The following DIP2C variants were observed in gnomAD, a reference collection of about 807,000 sequenced individuals.
The protein encoded by DIP2C is disco-interacting protein 2 homolog C.
In DIP2C, 33 loss-of-function variants were observed where a neutral mutation model predicts 192.4. That is an observed-to-expected ratio of 0.17 (90% CI 0.13 to 0.23). The LOEUF is 0.23. Ranked by LOEUF, DIP2C falls within the 10% of genes least tolerant of loss-of-function variation. DIP2C has a pLI of 1.00. For synonymous variants in DIP2C, 979 were observed against 864.1 expected (o/e 1.13, Z -2.33); for missense variants, 1,537 against 2,110.1 (o/e 0.73, Z 5.32).
In DIP2C at chr10:432,909, A is replaced by C. The variant is rs535555290; in HGVS notation, c.394+7962T>G. Among the ~76,000 whole-genome samples, 3 of 152,238 alleles carry C rather than the reference A, an allele frequency of 2.0e-5. No individual in the cohort carries two copies. The South Asian group carries it at 6.2e-4, about 32-fold the overall frequency. ...TTCCTTGAGCAATGCATTATTTTTA[A>C]GTGTATTGTTTAATTCCTAATATTT... On this transcript the variant is annotated intron_variant, in intron 4 of 36. Transcript: ENST00000280886.
chr10:639,270 C>T (rs1435000698), intron 1 of DIP2C, among the ~76,000 whole-genome samples: 2 of 141,482 alleles, frequency 1.4e-5, no homozygotes, highest in Admixed American at 7.2e-5. Flanking sequence ...GCCCGGCTCA[C>T]GGTCCACACG....
intron 1 of DIP2C, among the ~76,000 whole-genome samples, chr10:564,497 C>T (rs998605941): frequency 2.0e-4 from 31 of 152,202 alleles, no homozygotes; most frequent in Non-Finnish European, 2.9e-5. Flanking sequence ...GTTATTCCAT[C>T]TTGGCCAGTA....
intron 31 of DIP2C, among the ~76,000 whole-genome samples, chr10:316,429 CT>C (rs1420557296): frequency 6.6e-6 from 1 of 152,230 alleles, no homozygotes; most frequent in Non-Finnish European, 1.5e-5. Flanking sequence ...CTTTAGGTAA[CT>C]GGGTGATTCT....
intron 1 of DIP2C, among the ~76,000 whole-genome samples, chr10:586,472 C>A (rs1353527466): frequency 3.8e-5 from 5 of 132,854 alleles, no homozygotes; most frequent in Non-Finnish European, 6.0e-5. Context: ...CCAGAGGCCA[C>A]CCCAGGCAGA....
intron 17 of DIP2C, among the ~76,000 whole-genome samples, chr10:376,264 G>A (rs1961572082): frequency 7.2e-6 from 1 of 139,016 alleles, no homozygotes; most frequent in South Asian, 2.2e-4. Context: ...CGACAGAGCC[G>A]GCAGGGAGAA....
chr10:335,747 T>G (rs1957732057), intron 29 of DIP2C, among the ~76,000 whole-genome samples: 1 of 152,260 alleles, frequency 6.6e-6, no homozygotes. Context: ...ACCAGCTGGT[T>G]CAGGCTTTTC....
At chr10:327,234 CAG>C (rs2132444373) in intron 30 of DIP2C, 58 bp from the exon 31 acceptor site, 2 of 1,558,086 alleles carry the variant, frequency 1.3e-6, no homozygotes, top group Non-Finnish European at 1.7e-6. Flanking sequence ...TGGAGTGAGC[CAG>C]AGACTCCTTC....
In DIP2C at chr10:375,627, C is replaced by T. The variant is rs147823544; in HGVS notation, c.1992-5994G>A. ...TGGAAAGCATTCCATAAGCCTTGCC[C>T]GCATAACACCTTGAAGTAGCAGCTC... On this transcript the variant is annotated intron_variant, in intron 17 of 36. Coordinates refer to ENST00000280886, the MANE Select transcript of DIP2C (RefSeq NM_014974.3). Among the ~76,000 whole-genome samples the T allele has an allele frequency of 1.7e-3, 255 of 152,250 alleles. 1 individual carries two copies. The highest frequency in any genetic ancestry group is 5.6e-3 in the African/African-American group (232 of 41,540).
At chr10:458,698 G>A (rs913604044) in intron 3 of DIP2C, among the ~76,000 whole-genome samples, 1 of 151,004 alleles carries the variant, frequency 6.6e-6, no homozygotes, top group African/African-American at 2.4e-5. Context: ...GCGCATGGCA[G>A]AGTGCTCGGA....
At chr10:476,520 C>G (rs866771553) in intron 2 of DIP2C, among the ~76,000 whole-genome samples, 13 of 152,246 alleles carry the variant, frequency 8.5e-5, no homozygotes, top group African/African-American at 2.7e-4. Flanking sequence ...AGGACTATTA[C>G]TTCTGCTGTT....
In DIP2C at chr10:373,834, G is replaced by T. The variant is rs1045641282; in HGVS notation, c.1992-4201C>A. Among the ~76,000 whole-genome samples the T allele has an allele frequency of 5.3e-5, 8 of 152,286 alleles. 1 individual carries two copies. The highest frequency in any genetic ancestry group is 9.6e-5 in the African/African-American group (4 of 41,552). ...TAAACCGTCACAGCTGTAAGATCAT[G>T]CGCTTGCCCTTTCAAGCCCCACATT... On this transcript the variant is annotated intron_variant, in intron 17 of 36. Transcript: ENST00000280886.
At chr10:493,255 C>T (rs373954336) in intron 1 of DIP2C, among the ~76,000 whole-genome samples, 17 of 152,312 alleles carry the variant, frequency 1.1e-4, no homozygotes, top group African/African-American at 3.6e-4. Flanking sequence ...TCCAGTGTGT[C>T]CTGGGAGTTA....
At chr10:321,686 C>T (rs1312995053) in intron 31 of DIP2C, among the ~76,000 whole-genome samples, 1 of 12,548 alleles carries the variant, frequency 8.0e-5, no homozygotes. Flanking sequence ...TGCGGGGCTC[C>T]GGCGAGAGAC....
In DIP2C at chr10:626,475, C is replaced by T. The variant is rs148769594; in HGVS notation, c.85+63019G>A. Among the ~76,000 whole-genome samples the T allele has an allele frequency of 3.8e-3, 572 of 152,070 alleles. 9 individuals are homozygous for T. Among genetic ancestry groups the T allele is most frequent in the African/African-American group, 0.012 (515 of 41,512 alleles). Reference sequence around the variant, plus strand: ...GTCCCCGGAGTTACCCTCCGTCCCCCGTCCCCGGGGTTACCCTCCATCCCA... The same window carrying T: ...GTCCCCGGAGTTACCCTCCGTCCCCTGTCCCCGGGGTTACCCTCCATCCCA... On this transcript the variant is annotated intron_variant, in intron 1 of 36. Coordinates refer to ENST00000280886, the MANE Select transcript of DIP2C (RefSeq NM_014974.3).
At chr10:459,053 G>T (rs1969537854) in intron 3 of DIP2C, among the ~76,000 whole-genome samples, 1 of 146,998 alleles carries the variant, frequency 6.8e-6, no homozygotes, top group African/African-American at 2.5e-5. Flanking sequence ...TTGACCCAAA[G>T]AGCACTTTAA....
At chr10:309,393 TA>T (rs971787871) in intron 32 of DIP2C, among the ~76,000 whole-genome samples, 1 of 152,050 alleles carries the variant, frequency 6.6e-6, no homozygotes, top group African/African-American at 2.4e-5. Context: ...TCCATTCATG[TA>T]AAGAAATGTG....
intron 30 of DIP2C, 101 bp downstream of exon 30, chr10:329,332 T>A: frequency 7.8e-7 from 1 of 1,281,188 alleles, no homozygotes; most frequent in Non-Finnish European, 1.0e-6. Flanking sequence ...CAGGCTTTGT[T>A]TTGGAGGACT....
chr10:670,236 A>G (rs1830552995), intron 1 of DIP2C, among the ~76,000 whole-genome samples: 3 of 152,202 alleles, frequency 2.0e-5, no homozygotes, highest in Non-Finnish European at 4.4e-5. Flanking sequence ...ATGCATGCAC[A>G]CGCATATGCA....
intron 2 of DIP2C, among the ~76,000 whole-genome samples, chr10:482,733 G>A (rs928607212): frequency 6.6e-6 from 1 of 152,202 alleles, no homozygotes; most frequent in Admixed American, 6.5e-5. Flanking sequence ...CACGGCCTGT[G>A]TCATACAAGC....
Sources: gnomAD v4.1 joint callset for allele counts (sites outside exome capture counted in the v4.1 genomes callset) on GRCh38, gnomAD v4.1.1 for gene constraint, MANE v1.5 for transcripts, NCBI Gene and HGNC (gene_info 2026-07-23, HGNC 2026-07-21) for gene names.